The following DOCK10 variants were observed in gnomAD, a reference collection of about 807,000 sequenced individuals.
DOCK10 encodes dedicator of cytokinesis 10, also known as dedicator of cytokinesis protein 10.
In DOCK10, 145 loss-of-function variants were observed where a neutral mutation model predicts 280.1. The observed-to-expected ratio is 0.52, with a 90% CI of 0.45 to 0.59. DOCK10 has a LOEUF of 0.59. Ranked by LOEUF, DOCK10 falls within the 20% of genes least tolerant of loss-of-function variation. The pLI is 0.00. For synonymous variants in DOCK10, 915 were observed against 942.2 expected (o/e 0.97, Z 0.53); for missense variants, 2,368 against 2,651.7 (o/e 0.89, Z 2.35).
intron 46 of DOCK10, 110 bp from the exon 47 acceptor site, chr2:224,793,182 G>T: frequency 1.1e-6 from 1 of 915,920 alleles, no homozygotes; most frequent in Non-Finnish European, 1.7e-6. Context: ...GAACTAAGAA[G>T]TTGACCATCC....
rs201806896 is a variant in DOCK10 at position 224,912,143 on chromosome 2, ATTT to A, written c.333+4549_333+4551del. Among the ~76,000 whole-genome samples, 310 of 146,546 alleles carry A rather than the reference ATTT, an allele frequency of 2.1e-3. 1 individual carries two copies. The highest frequency in any genetic ancestry group is 0.018 in the South Asian group (83 of 4,620). On this transcript the variant is annotated intron_variant, in intron 3 of 55. Transcript: ENST00000258390. ...CAATTCTGGCAGCATTTAAAAATAC[ATTT>A]TTTTTTTTTTTTGAGTGGAGTTTTG...
intron 1 of DOCK10, among the ~76,000 whole-genome samples, chr2:224,937,335 T>C (rs905272766): frequency 8.5e-5 from 13 of 152,060 alleles, no homozygotes; most frequent in African/African-American, 1.4e-4. Flanking sequence ...GTATGAAAAG[T>C]GGTAAGTGAA....
At chr2:224,822,671 C>A (rs1378488859) in intron 28 of DOCK10, among the ~76,000 whole-genome samples, 2 of 152,046 alleles carry the variant, frequency 1.3e-5, no homozygotes, top group East Asian at 3.9e-4. Context: ...TGTGATCATG[C>A]CAGTGTGCTC....
chr2:224,770,096 T>C lies in DOCK10; in HGVS notation c.6444+115A>G. 1.6e-6 allele frequency: 2 copies of C among 1,221,198 alleles called. No individual in the cohort carries two copies. Among genetic ancestry groups the C allele is most frequent in the Non-Finnish European group, 2.2e-6 (2 of 917,174 alleles). 75.6% of individuals were successfully genotyped at this position (1,221,198 alleles called of 1,614,324 possible). A position where few individuals can be genotyped will look rare whatever the true frequency, so the allele number is the denominator to read the frequency against. ...GAGAGAGAACAGATCAGCAACATGG[T>C]GCTGATGCAGTGATTTCTGCAGCAA... is the stretch of plus-strand genomic sequence containing the variant. On this transcript the variant is annotated intron_variant, in intron 55 of 55. Transcript: ENST00000258390. The surrounding 1 kb of genome is among the most constrained non-coding windows in gnomAD (Gnocchi z 4.5).
At chr2:224,943,574 C>T (rs1449032442) in intron 1 of DOCK10, among the ~76,000 whole-genome samples, 1 of 152,114 alleles carries the variant, frequency 6.6e-6, no homozygotes, top group Non-Finnish European at 1.5e-5. Context: ...CTTTTTTCTT[C>T]TTTCACTACA....
At position 224,775,489 on chromosome 2, in the gene DOCK10, T is replaced by TA. The variant is rs1553560067; in HGVS notation, c.5803-375_5803-374insT. Among the ~76,000 whole-genome samples the TA allele has an allele frequency of 1.9e-3, 273 of 146,776 alleles. 1 individual carries two copies. The highest frequency in any genetic ancestry group is 3.3e-3 in the Non-Finnish European group (217 of 66,306). On this transcript the variant is annotated intron_variant, in intron 51 of 55. Coordinates refer to ENST00000258390, the MANE Select transcript of DOCK10 (RefSeq NM_014689.3). ...ATTTTATTTATATTATTATTATTAT[T>TA]TTTTGAGACAGGGTCTTGCTCTGTC...
chr2:224,931,708 A>G (rs1327957327), intron 1 of DOCK10, 40 bp from the exon 2 acceptor site: 1 of 1,540,948 alleles, frequency 6.5e-7, no homozygotes, highest in Non-Finnish European at 8.7e-7. Context: ...ACTGACATAC[A>G]CCATCTCCCT....
At chr2:224,941,099 A>G (rs1703036172) in intron 1 of DOCK10, among the ~76,000 whole-genome samples, 1 of 152,152 alleles carries the variant, frequency 6.6e-6, no homozygotes, top group Admixed American at 6.5e-5. Flanking sequence ...TTATTTTTCT[A>G]CTACCACTAT....
At chr2:224,888,299 G>A (rs982640301) in intron 4 of DOCK10, among the ~76,000 whole-genome samples, 11 of 150,608 alleles carry the variant, frequency 7.3e-5, no homozygotes, top group Non-Finnish European at 1.2e-4. Context: ...CACTTAGGAC[G>A]TTTCCATATA....
chr2:224,847,234 CG>C (rs921275792), intron 19 of DOCK10, among the ~76,000 whole-genome samples: 30 of 152,202 alleles, frequency 2.0e-4, no homozygotes, highest in African/African-American at 6.5e-4. Context: ...AGCCCTGCCA[CG>C]TACACCATCA....
chr2:224,885,589 T>C (rs1699228771), intron 7 of DOCK10, 82 bp downstream of exon 7: 2 of 1,389,042 alleles, frequency 1.4e-6, no homozygotes, highest in African/African-American at 2.9e-5. Flanking sequence ...TCTTGGCTCA[T>C]ATCAGATACT....
chr2:224,999,712 G>GTTT (rs35668501), intron 1 of DOCK10, among the ~76,000 whole-genome samples: 9,319 of 142,610 alleles, frequency 0.065, 364 homozygotes, highest in African/African-American at 0.09. Flanking sequence ...CTATAATGGT[G>GTTT]TTTTTTTTTT....
intron 53 of DOCK10, among the ~76,000 whole-genome samples, chr2:224,772,399 G>A (rs1047970784): frequency 2.0e-5 from 3 of 152,084 alleles, no homozygotes; most frequent in Admixed American, 6.6e-5. Flanking sequence ...TGTGCCCAAG[G>A]TGAGTGCCTT....
At chr2:224,907,601 T>C (rs1023756474) in intron 3 of DOCK10, among the ~76,000 whole-genome samples, 3 of 149,656 alleles carry the variant, frequency 2.0e-5, no homozygotes, top group Non-Finnish European at 2.9e-5. Flanking sequence ...GGCAGGAGAA[T>C]GGTGTGAACC....
Position 224,841,329 on chromosome 2 carries a change from T to C in DOCK10, c.2661+475A>G, listed in dbSNP as rs1307589489. On this transcript the variant is annotated intron_variant, in intron 23 of 55. Coordinates refer to ENST00000258390, the MANE Select transcript of DOCK10 (RefSeq NM_014689.3). ...GAAGCTGTTACATAATGTATACATATTTCCAAACATCATACTGTATACAAT... is the reference window on the plus strand; with the variant it reads ...GAAGCTGTTACATAATGTATACATACTTCCAAACATCATACTGTATACAAT... 2.0e-5 allele frequency among the ~76,000 whole-genome samples: 3 copies of C among 152,220 alleles called. No individual in the cohort carries two copies. In the East Asian group the frequency reaches 5.8e-4, roughly 29 times the overall value.
intron 19 of DOCK10, among the ~76,000 whole-genome samples, chr2:224,847,644 T>C (rs1161941139): frequency 2.0e-5 from 3 of 152,328 alleles, no homozygotes; most frequent in Admixed American, 6.5e-5. Flanking sequence ...GGCCAACCAA[T>C]AGCAGTAAAT....
chr2:224,921,112 A>AAAAAAAATATATATATAT, intron 2 of DOCK10, among the ~76,000 whole-genome samples: 2 of 54,416 alleles, frequency 3.7e-5, no homozygotes, highest in East Asian at 4.0e-4. Context: ...AAAAAAAAAA[A>AAAAAAAATATATATATAT]ATATATATAT....
At chr2:224,837,890 G>T in intron 24 of DOCK10, 59 bp from the exon 25 acceptor site, 3 of 1,317,874 alleles carry the variant, frequency 2.3e-6, no homozygotes, top group Non-Finnish European at 3.3e-6. Context: ...CCCCGCTTTA[G>T]TTTGTCATTA....
At chr2:224,862,872 C>T in intron 13 of DOCK10, 126 bp from the exon 14 acceptor site, 1 of 536,870 alleles carries the variant, frequency 1.9e-6, no homozygotes. Context: ...TCTTACTAGC[C>T]CCTATTACCT....
Sources: gnomAD v4.1 joint callset for allele counts (sites outside exome capture counted in the v4.1 genomes callset) on GRCh38, gnomAD v4.1.1 for gene constraint, Gnocchi (gnomAD v3.1) non-coding constraint, MANE v1.5 for transcripts, NCBI Gene and HGNC (gene_info 2026-07-23, HGNC 2026-07-21) for gene names.